DERA: variants seen among roughly 807,000 people sequenced by gnomAD.
DERA encodes the protein deoxyribose-phosphate aldolase, also known as 2-deoxy-D-ribose 5-phosphate aldolase.
In DERA, 15 loss-of-function variants were observed where a neutral mutation model predicts 41.1. The observed-to-expected ratio is 0.37, with a 90% confidence interval of 0.24 to 0.56. DERA has a LOEUF of 0.56. Among genes scored for constraint, DERA ranks in the 20% least tolerant of loss-of-function variants. DERA has a pLI of 0.81. For synonymous variants in DERA, 139 were observed against 137.4 expected (o/e 1.01, Z -0.08); for missense variants, 396 against 403.4 (o/e 0.98, Z 0.16).
In DERA at chr12:15,938,420, C is replaced by CA. The variant is rs1565589195; in HGVS notation, c.32-18510dup. Among the ~76,000 whole-genome samples, 1 of 151,888 alleles carries CA rather than the reference C, an allele frequency of 6.6e-6. No homozygotes were observed. The highest frequency in any genetic ancestry group is 6.6e-5 in the Admixed American group (1 of 15,240). On this transcript the variant is annotated intron_variant, in intron 1 of 8. Coordinates refer to ENST00000428559, the MANE Select transcript of DERA (RefSeq NM_015954.4). This position sits in a 1 kb window ranked among gnomAD's most constrained non-coding sequence, Gnocchi z 4.1. ...AAAATATACTCATGTACATCAAAGC[C>CA]AAAAAATGTATTTATATTATCTCAG... is the stretch of plus-strand genomic sequence containing the variant.
At chr12:15,973,538 A>T (rs1399742215) in intron 5 of DERA, among the ~76,000 whole-genome samples, 1 of 147,202 alleles carries the variant, frequency 6.8e-6, no homozygotes, top group Non-Finnish European at 1.5e-5. Context: ...AGCAGAAAAA[A>T]TAGTAAGGGC....
chr12:15,974,161 T>G (rs1286319236), intron 5 of DERA, among the ~76,000 whole-genome samples: 4 of 152,184 alleles, frequency 2.6e-5, no homozygotes, highest in Admixed American at 2.6e-4. Context: ...TACTTCAGTG[T>G]GTATTTCCTA....
At position 15,989,839 on chromosome 12, in the gene DERA, A is replaced by G. The variant is rs193066590; in HGVS notation, c.637+7403A>G. ...CATCATTGTAAGTAAAATTGTGTTA[A>G]ACAACTTTGGTCAACTAAATGTTAG... On this transcript the variant is annotated intron_variant, in intron 6 of 8. Coordinates refer to ENST00000428559, the MANE Select transcript of DERA (RefSeq NM_015954.4). The surrounding 1 kb of genome is among the most constrained non-coding windows in gnomAD (Gnocchi z 5.2). 6.6e-6 allele frequency among the ~76,000 whole-genome samples: 1 copy of G among 152,318 alleles called. No homozygotes were observed. The highest frequency in any genetic ancestry group is 1.5e-5 in the Non-Finnish European group (1 of 68,020).
rs888369281 is a variant in DERA, at chr12:16,014,981, T to G, written c.638-17561T>G. Among the ~76,000 whole-genome samples the G allele has an allele frequency of 6.6e-6, 1 of 152,180 alleles. No individual in the cohort carries two copies. The highest frequency in any genetic ancestry group is 1.5e-5 in the Non-Finnish European group (1 of 68,034). On this transcript the variant is annotated intron_variant, in intron 6 of 8. Transcript: ENST00000428559. The surrounding 1 kb of genome is among the most constrained non-coding windows in gnomAD (Gnocchi z 5.4). ...AGACTTGCATGGGGCCTGTAGCCACTTCATTTTGGCCAATTTCTCCCATTT... is the reference window on the plus strand; with the variant it reads ...AGACTTGCATGGGGCCTGTAGCCACGTCATTTTGGCCAATTTCTCCCATTT...
Position 15,972,544 on chromosome 12 carries a change from A to G in DERA, c.508+9597A>G, listed in dbSNP as rs1176772578. 1 of 158,806 alleles carries G rather than the reference A, an allele frequency of 6.3e-6. No homozygotes were observed. Among genetic ancestry groups the G allele is most frequent in the Non-Finnish European group, 1.4e-5 (1 of 70,964 alleles). 9.8% of individuals were successfully genotyped at this position (158,806 alleles called of 1,614,324 possible). On this transcript the variant is annotated intron_variant, in intron 5 of 8. Transcript: ENST00000428559. This position sits in a 1 kb window ranked among gnomAD's most constrained non-coding sequence, Gnocchi z 4.4. ...GGTAGCAGAAGCTGACTTCCCGCAG[A>G]CAGCGCATGATGTACTCTAGGGAAA...
intron 1 of DERA, among the ~76,000 whole-genome samples, chr12:15,929,833 A>C (rs1488250623): frequency 6.6e-6 from 1 of 152,170 alleles, no homozygotes; most frequent in African/African-American, 2.4e-5. Context: ...TATCCCAGTT[A>C]GAGAATTTGG....
chr12:15,991,099 C>A (rs1023752655), intron 6 of DERA, among the ~76,000 whole-genome samples: 4 of 152,126 alleles, frequency 2.6e-5, no homozygotes, highest in Non-Finnish European at 5.9e-5. Flanking sequence ...TCCTTTTTCT[C>A]CACAACCTCG....
intron 6 of DERA, among the ~76,000 whole-genome samples, chr12:15,986,415 A>T (rs1948764659): frequency 6.6e-6 from 1 of 152,096 alleles, no homozygotes; most frequent in African/African-American, 2.4e-5. Context: ...CTTTTCTTGC[A>T]ACCTTTTGGG....
At chr12:15,942,781 G>C (rs761457235) in intron 1 of DERA, among the ~76,000 whole-genome samples, 1 of 152,198 alleles carries the variant, frequency 6.6e-6, no homozygotes, top group Admixed American at 6.5e-5. Context: ...GGGCTCTCAC[G>C]TGCTGTGCGA....
At chr12:15,997,411 GA>G (rs1462847915) in intron 6 of DERA, among the ~76,000 whole-genome samples, 1 of 152,044 alleles carries the variant, frequency 6.6e-6, no homozygotes, top group East Asian at 1.9e-4. Context: ...TGTTAACAGG[GA>G]AAAATTGGTT....
Position 15,966,112 on chromosome 12 carries a change from G to A in DERA, c.508+3165G>A, listed in dbSNP as rs114605027. Among the ~76,000 whole-genome samples, 407 of 152,228 alleles carry A rather than the reference G, an allele frequency of 2.7e-3. No individual in the cohort carries two copies. Among genetic ancestry groups the A allele is most frequent in the African/African-American group, 9.3e-3 (386 of 41,528 alleles). On this transcript the variant is annotated intron_variant, in intron 5 of 8. Transcript: ENST00000428559. This position sits in a 1 kb window ranked among gnomAD's most constrained non-coding sequence, Gnocchi z 5.1. Reference sequence around the variant, plus strand: ...AATTCTGAAAAGAAGGCCCGATGCGGTGGCTCACACCTGTAATCCCAGCAC... The same window carrying A: ...AATTCTGAAAAGAAGGCCCGATGCGATGGCTCACACCTGTAATCCCAGCAC...
At chr12:16,031,495 G>GATTCTGAT (rs1336184984) in intron 6 of DERA, among the ~76,000 whole-genome samples, 2 of 152,188 alleles carry the variant, frequency 1.3e-5, no homozygotes, top group Non-Finnish European at 2.9e-5. Context: ...GGTTATGTTA[G>GATTCTGAT]ATTCTGATTT....
In DERA at chr12:15,994,704, C is replaced by T. The variant is rs1055610949; in HGVS notation, c.637+12268C>T. 5.3e-5 allele frequency among the ~76,000 whole-genome samples: 8 copies of T among 152,172 alleles called. No individual in the cohort carries two copies. Among genetic ancestry groups the T allele is most frequent in the Non-Finnish European group, 7.4e-5 (5 of 68,026 alleles). On this transcript the variant is annotated intron_variant, in intron 6 of 8. Transcript: ENST00000428559. This position sits in a 1 kb window ranked among gnomAD's most constrained non-coding sequence, Gnocchi z 4.8. ...TCCTGACCTCGCGATCCACCCACCT[C>T]GGCCTCCCAAAGTGCTGGGATTACA...
At chr12:16,006,370 G>C (rs900429304) in intron 6 of DERA, among the ~76,000 whole-genome samples, 2 of 152,072 alleles carry the variant, frequency 1.3e-5, no homozygotes, top group Non-Finnish European at 2.9e-5. Flanking sequence ...GAAATAGCTG[G>C]AAAAAAATAG....
rs1440539743 is a variant in DERA, at chr12:16,036,491, C to G, written c.900+110C>G. On this transcript the variant is annotated intron_variant, in intron 8 of 8. Coordinates refer to ENST00000428559, the MANE Select transcript of DERA (RefSeq NM_015954.4). The surrounding 1 kb of genome is among the most constrained non-coding windows in gnomAD (Gnocchi z 4.9). ...AAAAACTCATCTGATTGACCTCATC[C>G]TACCCAATCCTCTACCTTTTCTTCC... 7.9e-7 allele frequency: 1 copy of G among 1,270,736 alleles called. No homozygotes were observed. Among genetic ancestry groups the G allele is most frequent in the African/African-American group, 1.5e-5 (1 of 66,160 alleles). 78.7% of individuals were successfully genotyped at this position (1,270,736 alleles called of 1,614,324 possible).
intron 1 of DERA, among the ~76,000 whole-genome samples, chr12:15,929,119 T>C (rs150269827): frequency 9.9e-4 from 151 of 152,256 alleles, no homozygotes; most frequent in African/African-American, 1.3e-3. Flanking sequence ...CTAGGGAGAA[T>C]GTCTCCCAGC....
rs879560240 is a variant in DERA at position 15,977,678 on chromosome 12, G to A, written c.509-4630G>A. Among the ~76,000 whole-genome samples the A allele has an allele frequency of 3.0e-4, 45 of 152,052 alleles. 1 individual carries two copies. Among genetic ancestry groups the A allele is most frequent in the Admixed American group, 1.1e-3 (17 of 15,270 alleles). On this transcript the variant is annotated intron_variant, in intron 5 of 8. Transcript: ENST00000428559. ...TCACCATGTTGGCCAGACTTGTCTCGAACTCCTGACCTCAGGTGATCCACC... is the reference window on the plus strand; with the variant it reads ...TCACCATGTTGGCCAGACTTGTCTCAAACTCCTGACCTCAGGTGATCCACC...
In DERA at chr12:15,972,789, G is replaced by A. The variant is rs1321000228; in HGVS notation, c.509-9519G>A. Among the ~76,000 whole-genome samples the A allele has an allele frequency of 1.3e-5, 2 of 152,168 alleles. No individual in the cohort carries two copies. The highest frequency in any genetic ancestry group is 2.9e-5 in the Non-Finnish European group (2 of 68,034). ...AGAAGGGATCTGCGTTCAGGGATCAGTGGGAGTGGTGCGGGACTCCACGAT... is the reference window on the plus strand; with the variant it reads ...AGAAGGGATCTGCGTTCAGGGATCAATGGGAGTGGTGCGGGACTCCACGAT... On this transcript the variant is annotated intron_variant, in intron 5 of 8. Coordinates refer to ENST00000428559, the MANE Select transcript of DERA (RefSeq NM_015954.4). The surrounding 1 kb of genome is among the most constrained non-coding windows in gnomAD (Gnocchi z 4.4).
At chr12:15,948,719 C>A (rs138730919) in intron 1 of DERA, among the ~76,000 whole-genome samples, 1 of 152,176 alleles carries the variant, frequency 6.6e-6, no homozygotes, top group Non-Finnish European at 1.5e-5. Flanking sequence ...ATTCTCTGTC[C>A]AGCTTTGTTC....
Sources: gnomAD v4.1 joint callset for allele counts (sites outside exome capture counted in the v4.1 genomes callset) on GRCh38, gnomAD v4.1.1 for gene constraint, Gnocchi (gnomAD v3.1) non-coding constraint, MANE v1.5 for transcripts, NCBI Gene and HGNC (gene_info 2026-07-23, HGNC 2026-07-21) for gene names.